The following C11orf65 variants were observed in gnomAD, a reference collection of about 807,000 sequenced individuals.
The protein encoded by C11orf65 is protein MFI.
In C11orf65, 38 loss-of-function variants were observed where a neutral mutation model predicts 35.3. The observed-to-expected ratio is 1.08, with a 90% CI of 0.83 to 1.41. C11orf65 has a LOEUF of 1.41. Among genes scored for constraint, C11orf65 ranks in the 40% most tolerant of loss-of-function variants. The probability of loss-of-function intolerance (pLI) is 0.00; values close to 1 mark genes in which losing one functional copy is unlikely to be tolerated. For synonymous variants in C11orf65, 105 were observed against 114.4 expected, an observed-to-expected ratio of 0.92 and a Z score of 0.53; for missense variants, 370 against 367.1, an observed-to-expected ratio of 1.01 and a Z score of -0.06.
rs765587765 is a variant in C11orf65, at chr11:108,374,872, GA to G, written c.226+18335del. Among the ~76,000 whole-genome samples the G allele has an allele frequency of 2.2e-4, 34 of 152,302 alleles. 1 individual carries two copies. Among genetic ancestry groups the G allele is most frequent in the South Asian group, 6.2e-4 (3 of 4,818 alleles). On this transcript the variant is annotated intron_variant, in intron 2 of 3. Coordinates refer to the C11orf65 transcript ENST00000524755. ...CCTCAGGAGCTGATGCGATCAACTG[GA>G]AGAAAGGGTATCAGCAATGGAAAAT...
downstream of C11orf65, among the ~76,000 whole-genome samples, chr11:108,330,585 G>C (rs2086152671): frequency 6.6e-6 from 1 of 152,094 alleles, no homozygotes; most frequent in South Asian, 2.1e-4. Flanking sequence ...TCCATATTTA[G>C]GATTATTTAC....
intron 2 of C11orf65, among the ~76,000 whole-genome samples, chr11:108,440,545 T>A (rs2093135677): frequency 6.6e-6 from 1 of 152,204 alleles, no homozygotes; most frequent in African/African-American, 2.4e-5. Flanking sequence ...CACTTACGTA[T>A]CTGCTTAAGT....
intron 6 of C11orf65, among the ~76,000 whole-genome samples, chr11:108,314,484 G>A (rs1301174267): frequency 2.6e-5 from 4 of 151,584 alleles, no homozygotes; most frequent in Non-Finnish European, 5.9e-5. Flanking sequence ...TATAAGCCTG[G>A]TAGGTCGGTA....
chr11:108,398,180 T>C (rs750022477), intron 6 of C11orf65, among the ~76,000 whole-genome samples: 11 of 152,150 alleles, frequency 7.2e-5, no homozygotes, highest in Non-Finnish European at 1.0e-4. Flanking sequence ...TTAGTGTTTA[T>C]ACAGAGAAGA....
At chr11:108,375,197 A>C (rs929498124) in intron 2 of C11orf65, among the ~76,000 whole-genome samples, 16 of 151,758 alleles carry the variant, frequency 1.1e-4, no homozygotes, top group African/African-American at 3.9e-4. Flanking sequence ...AGATTCACCA[A>C]AGTTGAAATG....
intron 2 of C11orf65, among the ~76,000 whole-genome samples, chr11:108,449,855 C>T (rs1392142426): frequency 6.6e-6 from 1 of 151,674 alleles, no homozygotes; most frequent in Non-Finnish European, 1.5e-5. Flanking sequence ...AGGCGACCTA[C>T]AAAATGGGAG....
chr11:108,334,033 A>C, intron 3 of C11orf65: 2 of 1,299,504 alleles, frequency 1.5e-6, no homozygotes, highest in Non-Finnish European at 2.2e-6. Context: ...GAACCATTTG[A>C]AATAGTATTT....
chr11:108,341,873 A>T (rs1166405278), intron 2 of C11orf65, among the ~76,000 whole-genome samples: 2 of 152,234 alleles, frequency 1.3e-5, no homozygotes, highest in Non-Finnish European at 2.9e-5. Flanking sequence ...ACTGGTGGGT[A>T]TATAAATCGG....
At chr11:108,346,680 A>T (rs2088452465) in intron 2 of C11orf65, 1 of 155,502 alleles carries the variant, frequency 6.4e-6, no homozygotes, top group African/African-American at 2.4e-5. Context: ...TTAATGACAG[A>T]GCAAGCCAGA....
intron 6 of C11orf65, among the ~76,000 whole-genome samples, chr11:108,397,559 G>T (rs7931930): frequency 0.49 from 74,861 of 151,872 alleles, 20,033 homozygotes; most frequent in Middle Eastern, 0.72. Context: ...AGATCTATAG[G>T]ACACAGGAAG....
chr11:108,317,652 T>TATAC (rs1399501257), intron 6 of C11orf65: 135 of 118,294 alleles, frequency 1.1e-3, no homozygotes, highest in Middle Eastern at 3.8e-3. Flanking sequence ...TATATATATA[T>TATAC]ACACACACAC....
chr11:108,337,788 A>G (rs372715797), intron 2 of C11orf65, among the ~76,000 whole-genome samples: 1 of 152,252 alleles, frequency 6.6e-6, no homozygotes, highest in African/African-American at 2.4e-5. Context: ...CTAAATACCA[A>G]ACTTTTAGAT....
In C11orf65 at chr11:108,376,997, C is replaced by T. The variant is rs547510043; in HGVS notation, c.226+16211G>A. ...ATTGTGGCAATAATCAATAGCTTAC[C>T]AACAAAAAAGAGTCCAGGACCAGAT... On this transcript the variant is annotated intron_variant, in intron 2 of 3. Coordinates refer to the C11orf65 transcript ENST00000524755. Among the ~76,000 whole-genome samples the T allele has an allele frequency of 4.0e-5, 6 of 151,500 alleles. No individual in the cohort carries two copies. In the South Asian group the frequency reaches 1.3e-3, roughly 32 times the overall value.
At chr11:108,362,619 A>C (rs991094488) in intron 2 of C11orf65, among the ~76,000 whole-genome samples, 1 of 150,068 alleles carries the variant, frequency 6.7e-6, no homozygotes, top group African/African-American at 2.5e-5. Context: ...CTATGCAGCC[A>C]TAAAAAATGA....
rs545225343 is a variant in C11orf65, at chr11:108,388,048, C to T, written c.732-2073G>A. On this transcript the variant is annotated intron_variant, in intron 7 of 8. Coordinates refer to ENST00000393084, the MANE Select transcript of C11orf65 (RefSeq NM_152587.5). ...TGGTTTGACCTTAAATTTTAGCAGA[C>T]TTTGTGCTTTCAGTGGTTGCTCAGG... Among the ~76,000 whole-genome samples, 5 of 152,318 alleles carry T rather than the reference C, an allele frequency of 3.3e-5. No individual in the cohort carries two copies. In the South Asian group the frequency reaches 1.0e-3, roughly 32 times the overall value.
chr11:108,407,217 T>C, intron 3 of C11orf65, 68 bp from the exon 4 acceptor site: 1 of 1,134,128 alleles, frequency 8.8e-7, no homozygotes, highest in Middle Eastern at 2.9e-4. Flanking sequence ...TCACTATTTC[T>C]CACTCTATTA....
downstream of C11orf65, among the ~76,000 whole-genome samples, chr11:108,329,490 C>T (rs1400301639): frequency 6.6e-6 from 1 of 152,032 alleles, no homozygotes; most frequent in Non-Finnish European, 1.5e-5. Flanking sequence ...CTCCAGCTCA[C>T]TGCAACCTCG....
At chr11:108,336,885 C>T (rs2086915445) in intron 2 of C11orf65, among the ~76,000 whole-genome samples, 1 of 152,062 alleles carries the variant, frequency 6.6e-6, no homozygotes, top group African/African-American at 2.4e-5. Flanking sequence ...AACAATAAAT[C>T]CTTATTTTGA....
At chr11:108,467,540 C>G (rs1243515647), upstream of C11orf65, 2 of 152,274 alleles carry the variant, frequency 1.3e-5, no homozygotes, top group African/African-American at 2.4e-5. Flanking sequence ...GTAACTCAAT[C>G]CGTTCTGTCC....
Sources: allele counts gnomAD v4.1 joint callset (sites outside exome capture counted in the v4.1 genomes callset), GRCh38; gene constraint gnomAD v4.1.1; transcripts MANE v1.5; gene names NCBI Gene and HGNC (gene_info 2026-07-23, HGNC 2026-07-21).